ZNF676: variants seen among roughly 807,000 people sequenced by gnomAD.
ZNF676 encodes zinc finger protein 676.
A neutral mutation model predicts 6.0 loss-of-function variants in ZNF676; 4 were observed. The observed-to-expected ratio is 0.67, with a 90% CI of 0.33 to 1.53. The LOEUF is 1.53. Ranked by LOEUF, ZNF676 falls within the 40% of genes most tolerant of loss-of-function variation. The pLI is 0.06. For synonymous variants in ZNF676, 198 were observed against 223.1 expected, an observed-to-expected ratio of 0.89 and a Z score of 1.00; for missense variants, 644 against 679.7, an observed-to-expected ratio of 0.95 and a Z score of 0.58.
the ZNF676 span, among the ~76,000 whole-genome samples, chr19:22,240,702 AG>A: frequency 2.0e-5 from 3 of 151,970 alleles, no homozygotes; most frequent in Admixed American, 2.0e-4. Context: ...CTGAGACAGA[AG>A]AATTACTTGA....
At chr19:22,223,816 G>A in the ZNF676 span, among the ~76,000 whole-genome samples, 1 of 151,440 alleles carries the variant, frequency 6.6e-6, no homozygotes, top group Non-Finnish European at 1.5e-5. Flanking sequence ...TATATCAGAG[G>A]CTTTAATTAT....
chr19:22,218,010 G>C (rs188910368), upstream of ZNF676, among the ~76,000 whole-genome samples: 1 of 152,102 alleles, frequency 6.6e-6, no homozygotes. Context: ...GGCCAATGAT[G>C]GTCATTCTTG....
At chr19:22,221,919 G>C in the ZNF676 span, among the ~76,000 whole-genome samples, 1 of 151,802 alleles carries the variant, frequency 6.6e-6, no homozygotes, top group Non-Finnish European at 1.5e-5. Flanking sequence ...ATTGTTTTTT[G>C]TTTGTTTGTT....
At chr19:22,221,236 G>A in the ZNF676 span, among the ~76,000 whole-genome samples, 7 of 151,800 alleles carry the variant, frequency 4.6e-5, no homozygotes, top group African/African-American at 1.7e-4. Context: ...TCTTAGCACT[G>A]CTTTTGCTGT....
At chr19:22,205,585 G>C (rs1254733689) in intron 1 of ZNF676, among the ~76,000 whole-genome samples, 1 of 152,142 alleles carries the variant, frequency 6.6e-6, no homozygotes. Flanking sequence ...AATTAAGGCA[G>C]AAACCAAGAA....
At chr19:22,210,922 C>T (rs944566806) in intron 1 of ZNF676, among the ~76,000 whole-genome samples, 1 of 152,104 alleles carries the variant, frequency 6.6e-6, no homozygotes, top group African/African-American at 2.4e-5. Context: ...CAGGGTAAAA[C>T]ATTCTCTGAT....
intron 1 of ZNF676, among the ~76,000 whole-genome samples, chr19:22,209,530 G>A (rs1430235967): frequency 6.6e-6 from 1 of 152,066 alleles, no homozygotes; most frequent in Non-Finnish European, 1.5e-5. Flanking sequence ...GTCAGAAAAA[G>A]TACATTTTTG....
chr19:22,219,516 C>T (rs563356223), upstream of ZNF676, among the ~76,000 whole-genome samples: 10 of 152,142 alleles, frequency 6.6e-5, no homozygotes, highest in African/African-American at 2.4e-4. Context: ...TTTTGCTTTA[C>T]TCTGATTGCT....
chr19:22,200,489 T>C (rs2024013800), upstream of ZNF676, among the ~76,000 whole-genome samples: 1 of 150,412 alleles, frequency 6.6e-6, no homozygotes, highest in Admixed American at 6.7e-5. Flanking sequence ...ACTTCCAGGA[T>C]GGTAGGAATC....
the ZNF676 span, among the ~76,000 whole-genome samples, chr19:22,259,233 G>A: frequency 6.6e-6 from 1 of 152,108 alleles, no homozygotes; most frequent in Admixed American, 6.5e-5. Context: ...TAGGTGAAGT[G>A]TTTAGAGATA....
the ZNF676 span, among the ~76,000 whole-genome samples, chr19:22,251,317 T>A: frequency 1.3e-5 from 2 of 152,184 alleles, no homozygotes; most frequent in Admixed American, 6.5e-5. Context: ...AATGGAAGAC[T>A]GGAGAGAGAA....
chr19:22,253,489 T>TAC, the ZNF676 span, among the ~76,000 whole-genome samples: 2 of 146,430 alleles, frequency 1.4e-5, no homozygotes, highest in Admixed American at 6.9e-5. Flanking sequence ...AATTTGCATA[T>TAC]ATATATGATA....
chr19:22,227,382 G>T, the ZNF676 span, among the ~76,000 whole-genome samples: 1 of 152,128 alleles, frequency 6.6e-6, no homozygotes, highest in Non-Finnish European at 1.5e-5. Context: ...GAAACTTATA[G>T]CACTAAATGC....
At chr19:22,215,511 G>T in intron 1 of ZNF676, 1 of 1,195,786 alleles carries the variant, frequency 8.4e-7, no homozygotes, top group Non-Finnish European at 1.2e-6. Flanking sequence ...CTGAGGTCGA[G>T]CTAGGCAAGG....
the ZNF676 span, among the ~76,000 whole-genome samples, chr19:22,249,473 C>T: frequency 0.17 from 25,124 of 152,070 alleles, 2,652 homozygotes; most frequent in Middle Eastern, 0.26. Context: ...AGTGCAGTGG[C>T]GCAATCTCAG....
chr19:22,227,404 A>AG, the ZNF676 span, among the ~76,000 whole-genome samples: 1 of 152,226 alleles, frequency 6.6e-6, no homozygotes, highest in African/African-American at 2.4e-5. Context: ...CACAAGAGAA[A>AG]GCAGGAAAGG....
upstream of ZNF676, among the ~76,000 whole-genome samples, chr19:22,216,618 T>TC (rs1332214466): frequency 1.3e-5 from 2 of 151,962 alleles, no homozygotes; most frequent in African/African-American, 2.4e-5. Flanking sequence ...TAATAGCCTT[T>TC]TTTTTTAACT....
chr19:22,218,077 C>A (rs916362460), upstream of ZNF676, among the ~76,000 whole-genome samples: 2 of 152,028 alleles, frequency 1.3e-5, no homozygotes. Flanking sequence ...AATCATTAAT[C>A]ATTAGTGATG....
chr19:22,223,461 G>A, the ZNF676 span, among the ~76,000 whole-genome samples: 1 of 151,390 alleles, frequency 6.6e-6, no homozygotes, highest in East Asian at 1.9e-4. Context: ...ACACATTTTT[G>A]TCAGGGCTGG....
Sources: allele counts gnomAD v4.1 joint callset (sites outside exome capture counted in the v4.1 genomes callset), GRCh38; gene constraint gnomAD v4.1.1; transcripts MANE v1.5; gene names NCBI Gene and HGNC (gene_info 2026-07-23, HGNC 2026-07-21).